JCAD: variants seen among roughly 807,000 people sequenced by gnomAD.
JCAD encodes the protein junctional cadherin 5 associated, also known as junctional cadherin 5-associated protein.
JCAD carries 40 observed loss-of-function variants against 98.0 expected under a neutral mutation model. The ratio of observed to expected loss-of-function variants is 0.41; its 90% CI spans 0.32 to 0.53. The LOEUF is 0.53. Among genes scored for constraint, JCAD ranks in the 20% least tolerant of loss-of-function variants. The pLI is 0.31. For missense variants in JCAD, 1,705 were observed against 1,738.1 expected, an observed-to-expected ratio of 0.98 and a Z score of 0.34; for synonymous variants, 691 against 682.3, an observed-to-expected ratio of 1.01 and a Z score of -0.20.
rs138441810 is a variant in JCAD at position 30,102,475 on chromosome 10, C to G, written n.128+12892G>C. Among the ~76,000 whole-genome samples, 853 of 152,242 alleles carry G rather than the reference C, an allele frequency of 5.6e-3. 2 individuals carry two copies. Among genetic ancestry groups the G allele is most frequent in the Non-Finnish European group, 9.6e-3 (651 of 68,018 alleles). Reference sequence around the variant, plus strand: ...CGTGAGCCACTGCACCCAGTCTACCCTCTTACATTTTTAAGTGCACATTAC... The same window carrying G: ...CGTGAGCCACTGCACCCAGTCTACCGTCTTACATTTTTAAGTGCACATTAC... On this transcript the variant is annotated intron_variant and non_coding_transcript_variant, in intron 1 of 2. Coordinates refer to the JCAD transcript ENST00000465712.
upstream of JCAD, chr10:30,059,651 C>T (rs1837664853): frequency 7.5e-6 from 1 of 133,482 alleles, no homozygotes; most frequent in African/African-American, 4.0e-5. This position sits in a 1 kb window ranked among gnomAD's most constrained non-coding sequence, Gnocchi z 5.0. Context: ...GGGCTGCCTC[C>T]TCTGCGCTGA....
At chr10:30,024,622 G>C (rs368586326) in intron 3 of JCAD, among the ~76,000 whole-genome samples, 9 of 151,524 alleles carry the variant, frequency 5.9e-5, no homozygotes, top group African/African-American at 2.2e-4. Context: ...GAGCAGAGAA[G>C]CAACACTGGC....
At chr10:30,093,577 C>A (rs1838319272) in intron 1 of JCAD, among the ~76,000 whole-genome samples, 1 of 152,194 alleles carries the variant, frequency 6.6e-6, no homozygotes, top group African/African-American at 2.4e-5. Flanking sequence ...TTGCTTGGTG[C>A]CTTCTGTTCC....
intron 2 of JCAD, among the ~76,000 whole-genome samples, chr10:30,034,596 C>T (rs1378909631): frequency 6.6e-6 from 1 of 152,146 alleles, no homozygotes; most frequent in African/African-American, 2.4e-5. Context: ...TCACTGGCCC[C>T]TCTGCATAGC....
rs761554969 is a variant in JCAD, at chr10:30,028,082, T to C, written c.2066A>G (p.Gln689Arg). 21 of 1,614,144 alleles carry C rather than the reference T, an allele frequency of 1.3e-5. No homozygotes were observed. In the Admixed American group the frequency reaches 3.0e-4, roughly 23 times the overall value. Residue 689 changes from glutamine (Q) to arginine (R), a missense_variant, in exon 3 of 4, where the codon CAG becomes CGG. Transcript: ENST00000375377. Reference sequence around the variant, plus strand: ...CTCGGAGAAACTGGTTTGTGTTTGCTGATCTCTGTACCGGTGCCCTGGCCA... The same window carrying C: ...CTCGGAGAAACTGGTTTGTGTTTGCCGATCTCTGTACCGGTGCCCTGGCCA... Reference protein sequence around the residue: ...GSWPGHRYRDQQTQTSFSEEP... With the variant: ...GSWPGHRYRDRQTQTSFSEEP...
chr10:30,107,407 C>T (rs1838605309), intron 1 of JCAD, among the ~76,000 whole-genome samples: 1 of 152,166 alleles, frequency 6.6e-6, no homozygotes, highest in African/African-American at 2.4e-5. Flanking sequence ...AAGACACTCC[C>T]ACCAGTGCCA....
chr10:30,017,044 G>C lies in JCAD; in HGVS notation c.*839C>G, dbSNP rs1452940099. ...CTTAAAAATCTGCCGCCTAACAATT[G>C]TTTACATCATAGAAAAATAGCATTT... On this transcript the variant is annotated 3_prime_UTR_variant, in exon 4 of 4. Transcript: ENST00000375377. The C allele has an allele frequency of 6.6e-6, 1 of 152,050 alleles. No individual in the cohort carries two copies. The highest frequency in any genetic ancestry group is 1.5e-5 in the Non-Finnish European group (1 of 68,016). 9.4% of individuals were successfully genotyped at this position (152,050 alleles called of 1,614,324 possible). A position where few individuals can be genotyped will look rare whatever the true frequency, so the allele number is the denominator to read the frequency against.
At chr10:30,082,753 A>C (rs2132684792) in intron 1 of JCAD, among the ~76,000 whole-genome samples, 1 of 145,454 alleles carries the variant, frequency 6.9e-6, no homozygotes, top group East Asian at 2.2e-4. Context: ...TCGGAAGCTG[A>C]GGCAGGAGAA....
rs1365115631 is a variant in JCAD at position 30,029,138 on chromosome 10, G to A, written c.1010C>T (p.Pro337Leu). Residue 337 changes from proline (P) to leucine (L), a missense_variant, in exon 3 of 4, where the codon CCT (proline) becomes CTT (leucine). Pro to Leu is a moderately conservative substitution (Grantham distance 98). Around this residue, in one of 3 missense-constraint regions of JCAD, gnomAD observed 275 missense variants for 346.9 expected, o/e 0.79. Transcript: ENST00000375377. ...TGAGGGCGGAGGCACGTACACTGGA[G>A]GTTCCAATCCAGGGTCTGACAGGCA... ...ELCLSDPGLE[P>L]PVYVPPPSYR... The A allele has an allele frequency of 1.9e-6, 3 of 1,614,104 alleles. No individual in the cohort carries two copies. The African/African-American group carries it at 4.0e-5, about 22-fold the overall frequency.
chr10:30,057,853 C>T (rs983431293), intron 1 of JCAD, among the ~76,000 whole-genome samples: 1 of 152,212 alleles, frequency 6.6e-6, no homozygotes, highest in Non-Finnish European at 1.5e-5. Flanking sequence ...AAGTCCCAAT[C>T]CACAGACGTT....
At position 30,025,496 on chromosome 10, in the gene JCAD, G is replaced by T. The variant is rs568872620; in HGVS notation, c.4045+607C>A. 1.4e-4 allele frequency among the ~76,000 whole-genome samples: 18 copies of T among 130,284 alleles called. 2 individuals carry two copies. The South Asian group carries it at 3.9e-3, about 28-fold the overall frequency. The allele number at this position is 130,284 out of a possible 152,430, so 85.5% of individuals were successfully genotyped here. A position where few individuals can be genotyped will look rare whatever the true frequency, so the allele number is the denominator to read the frequency against. On this transcript the variant is annotated intron_variant, in intron 3 of 3. Transcript: ENST00000375377. ...TCGTGCCACTGTACTCCAGCCTGGGGAACAGAGTGAGACTCTGTCTCAAAA... is the reference window on the plus strand; with the variant it reads ...TCGTGCCACTGTACTCCAGCCTGGGTAACAGAGTGAGACTCTGTCTCAAAA...
intron 1 of JCAD, among the ~76,000 whole-genome samples, chr10:30,057,016 G>A (rs1017349069): frequency 6.6e-6 from 1 of 152,138 alleles, no homozygotes; most frequent in African/African-American, 2.4e-5. Context: ...ATCCAAAGGA[G>A]GAAAAACAAC....
intron 2 of JCAD, among the ~76,000 whole-genome samples, chr10:30,069,498 A>G (rs1837845213): frequency 6.6e-6 from 1 of 151,318 alleles, no homozygotes; most frequent in Non-Finnish European, 1.5e-5. Flanking sequence ...AAGCAGGAGA[A>G]TGGCCTCAAC....
intron 1 of JCAD, among the ~76,000 whole-genome samples, chr10:30,057,085 T>A (rs923155136): frequency 6.6e-6 from 1 of 152,182 alleles, no homozygotes; most frequent in African/African-American, 2.4e-5. Context: ...CCAGAGGACT[T>A]CAGAGAGATA....
intron 2 of JCAD, among the ~76,000 whole-genome samples, chr10:30,038,900 C>T (rs1837180381): frequency 6.6e-6 from 1 of 152,058 alleles, no homozygotes; most frequent in African/African-American, 2.4e-5. Context: ...ACTAATGTGT[C>T]CCCGATGAAG....
At chr10:30,107,611 A>G (rs1322298512) in intron 1 of JCAD, among the ~76,000 whole-genome samples, 1 of 152,200 alleles carries the variant, frequency 6.6e-6, no homozygotes, top group Non-Finnish European at 1.5e-5. Context: ...TGCTCTGCCT[A>G]TGAAGTAGCC....
intron 3 of JCAD, among the ~76,000 whole-genome samples, chr10:30,020,582 C>A (rs918973161): frequency 2.0e-5 from 3 of 152,166 alleles, no homozygotes; most frequent in Non-Finnish European, 2.9e-5. Context: ...ACAGTCTCTG[C>A]ATTTAGGAAA....
At chr10:30,107,755 A>T (rs1420754642) in intron 1 of JCAD, among the ~76,000 whole-genome samples, 1 of 152,182 alleles carries the variant, frequency 6.6e-6, no homozygotes, top group East Asian at 1.9e-4. Context: ...AAGTAACATG[A>T]TGAGGTATCT....
At chr10:30,098,150 G>A (rs530969280) in intron 1 of JCAD, among the ~76,000 whole-genome samples, 2 of 152,224 alleles carry the variant, frequency 1.3e-5, no homozygotes, top group East Asian at 3.9e-4. Context: ...TAACTCCTGC[G>A]ACCCTCGGGT....
Sources: gnomAD v4.1 joint callset for allele counts (sites outside exome capture counted in the v4.1 genomes callset) on GRCh38, gnomAD v4.1.1 for gene constraint, gnomAD v4.1.1 regional missense constraint, Gnocchi (gnomAD v3.1) non-coding constraint, MANE v1.5 for transcripts, NCBI Gene and HGNC (gene_info 2026-07-23, HGNC 2026-07-21) for gene names.